DAG1: variants seen among roughly 807,000 people sequenced by gnomAD.
DAG1 encodes dystroglycan 1.
A neutral mutation model predicts 46.1 loss-of-function variants in DAG1; 8 were observed. The ratio of observed to expected loss-of-function variants is 0.17; its 90% CI spans 0.10 to 0.31. The LOEUF is 0.31. Among genes scored for constraint, DAG1 ranks in the 10% least tolerant of loss-of-function variants. The probability of loss-of-function intolerance (pLI) is 1.00; values close to 1 mark genes in which losing one functional copy is unlikely to be tolerated. For missense variants in DAG1, 1,003 were observed against 1,189.9 expected (o/e 0.84, Z 2.31); for synonymous variants, 495 against 481.8 (o/e 1.03, Z -0.36).
intron 2 of DAG1, among the ~76,000 whole-genome samples, chr3:49,528,467 TAG>T (rs2051251651): frequency 1.3e-5 from 2 of 151,714 alleles, no homozygotes. Flanking sequence ...GTGTTTTTAG[TAG>T]AGACGGGATT....
Position 49,534,969 on chromosome 3 carries a change from G to C in DAG1, c.*1770G>C, listed in dbSNP as rs1553654607. 6.6e-6 allele frequency: 1 copy of C among 151,768 alleles called. No homozygotes were observed. The highest frequency in any genetic ancestry group is 1.5e-5 in the Non-Finnish European group (1 of 68,232). 9.4% of individuals were successfully genotyped at this position (151,768 alleles called of 1,614,324 possible). ...CCTCAGGAGGGGAGGGCTGGTAGGA[G>C]GGGGGGAGAGGTCTCTGTCCTACTG... On this transcript the variant is annotated 3_prime_UTR_variant, in exon 3 of 3. Transcript: ENST00000308775.
At chr3:49,527,036 T>C (rs2051190890) in intron 2 of DAG1, among the ~76,000 whole-genome samples, 1 of 152,178 alleles carries the variant, frequency 6.6e-6, no homozygotes, top group African/African-American at 2.4e-5. Context: ...GTCAGCAGAA[T>C]AGGAAGTGAG....
chr3:49,514,238 CTGTA>C (rs2050834913), intron 2 of DAG1, among the ~76,000 whole-genome samples: 1 of 152,006 alleles, frequency 6.6e-6, no homozygotes. Flanking sequence ...GTTTCTGCAT[CTGTA>C]AAGCAGGATT....
At chr3:49,473,094 A>C (rs2049572305) in intron 1 of DAG1, among the ~76,000 whole-genome samples, 4 of 140,170 alleles carry the variant, frequency 2.9e-5, no homozygotes. Context: ...CAAGAGCAAA[A>C]CTCGGTCTCA....
At chr3:49,527,997 AG>A (rs903906328) in intron 2 of DAG1, among the ~76,000 whole-genome samples, 1 of 152,122 alleles carries the variant, frequency 6.6e-6, no homozygotes, top group African/African-American at 2.4e-5. Flanking sequence ...GAGTAGAGTT[AG>A]GAAATAACCC....
At chr3:49,513,214 G>A (rs1453631376) in intron 2 of DAG1, among the ~76,000 whole-genome samples, 2 of 152,152 alleles carry the variant, frequency 1.3e-5, no homozygotes, top group Non-Finnish European at 2.9e-5. Context: ...AGTTGATGCT[G>A]CCTGTTGACA....
At chr3:49,508,657 C>T (rs1402779890) in intron 1 of DAG1, among the ~76,000 whole-genome samples, 1 of 152,078 alleles carries the variant, frequency 6.6e-6, no homozygotes, top group Non-Finnish European at 1.5e-5. Context: ...GCCTTGGCCT[C>T]CCAAAGTGCT....
chr3:49,512,545 C>G (rs1380373514), intron 2 of DAG1, among the ~76,000 whole-genome samples: 1 of 151,800 alleles, frequency 6.6e-6, no homozygotes, highest in Non-Finnish European at 1.5e-5. Context: ...GTGCGCACCA[C>G]CATGCCCGGC....
At chr3:49,519,401 C>T (rs2050972846) in intron 2 of DAG1, among the ~76,000 whole-genome samples, 2 of 152,162 alleles carry the variant, frequency 1.3e-5, no homozygotes, top group Non-Finnish European at 2.9e-5. Flanking sequence ...TGGGAGCAGC[C>T]CTTCCTGGGA....
At chr3:49,517,293 C>T (rs1158449350) in intron 2 of DAG1, among the ~76,000 whole-genome samples, 2 of 152,128 alleles carry the variant, frequency 1.3e-5, no homozygotes, top group African/African-American at 4.8e-5. Flanking sequence ...GCACCCAGCC[C>T]CCAAGAGGCT....
chr3:49,500,503 A>T (rs2050420216), intron 1 of DAG1, among the ~76,000 whole-genome samples: 1 of 152,040 alleles, frequency 6.6e-6, no homozygotes, highest in South Asian at 2.1e-4. Flanking sequence ...GAGAGCTTAG[A>T]CTCAGTTGTG....
rs764399476 is a variant in DAG1, at chr3:49,510,721, A to G, written c.187A>G (p.Thr63Ala). 21 of 1,614,132 alleles carry G rather than the reference A, an allele frequency of 1.3e-5. No homozygotes were observed. In the South Asian group the frequency reaches 2.3e-4, roughly 18 times the overall value. Reference protein sequence around the residue: ...VLSDLHEAVPTVVGIPDGTAV... With the variant: ...VLSDLHEAVPAVVGIPDGTAV... ...CTCAGACCTCCACGAGGCTGTTCCC[A>G]CAGTGGTTGGCATTCCTGATGGCAC... The change falls in exon 2 of 3, where the codon ACA becomes GCA. Residue 63 changes from threonine to alanine, a missense_variant. By Grantham distance (58) the Thr-to-Ala change is moderately conservative (BLOSUM62 0). Around this residue, in one of 3 missense-constraint regions of DAG1, gnomAD observed 196 missense variants for 239.1 expected, o/e 0.82. Coordinates refer to ENST00000308775, the MANE Select transcript of DAG1 (RefSeq NM_004393.6).
At position 49,532,380 on chromosome 3, in the gene DAG1, C is replaced by T. The variant is rs2051379429; in HGVS notation, c.1869C>T (p.Ile623=). ...VGDPALVLND[I]HKKIALVKKL... ...ACCCGGCACTGGTGTTGAATGACAT[C>T]CACAAGAAGATTGCCTTGGTAAAGA... The change falls in exon 3 of 3, where the codon ATC becomes ATT. Residue 623 remains isoleucine (I), a synonymous_variant. Coordinates refer to ENST00000308775, the MANE Select transcript of DAG1 (RefSeq NM_004393.6). This position sits in a 1 kb window ranked among gnomAD's most constrained non-coding sequence, Gnocchi z 5.4. 1 of 1,614,046 alleles carries T rather than the reference C, an allele frequency of 6.2e-7. No individual in the cohort carries two copies. Among genetic ancestry groups the T allele is most frequent in the African/African-American group, 1.3e-5 (1 of 74,938 alleles).
rs562663543 is a variant in DAG1 at position 49,474,933 on chromosome 3, T to A, written c.-117+4500T>A. ...TTCATGCCATTCTCCTGTCTCAGCC[T>A]CCCGAGTAGCTGGGACTACAGGCGC... is the stretch of plus-strand genomic sequence containing the variant. On this transcript the variant is annotated intron_variant, in intron 1 of 2. Transcript: ENST00000308775. Among the ~76,000 whole-genome samples, 13 of 151,788 alleles carry A rather than the reference T, an allele frequency of 8.6e-5. No individual in the cohort carries two copies. In the South Asian group the frequency reaches 2.7e-3, roughly 32 times the overall value.
At chr3:49,504,218 G>T in intron 1 of DAG1, among the ~76,000 whole-genome samples, 1 of 151,194 alleles carries the variant, frequency 6.6e-6, no homozygotes. Flanking sequence ...ATTCAAGAAT[G>T]TTATAAAAAT....
chr3:49,533,972 T>TTAA lies in DAG1; in HGVS notation c.*774_*775insAAT. The TTAA allele has an allele frequency of 6.3e-6, 1 of 157,504 alleles. No individual in the cohort carries two copies. The highest frequency in any genetic ancestry group is 1.4e-5 in the Non-Finnish European group (1 of 71,284). The allele number at this position is 157,504 out of a possible 1,614,324, so 9.8% of individuals were successfully genotyped here. ...AGGGGCTGGAAGCTGGAGGGGTCTCTTGGGCCATGGACATCCCCACTTCCA... is the reference window on the plus strand; with the variant it reads ...AGGGGCTGGAAGCTGGAGGGGTCTCTTAATGGGCCATGGACATCCCCACTTCCA... On this transcript the variant is annotated 3_prime_UTR_variant, in exon 3 of 3. Coordinates refer to ENST00000308775, the MANE Select transcript of DAG1 (RefSeq NM_004393.6).
chr3:49,524,414 A>C (rs2051115210), intron 2 of DAG1, among the ~76,000 whole-genome samples: 1 of 152,162 alleles, frequency 6.6e-6, no homozygotes, highest in African/African-American at 2.4e-5. Flanking sequence ...GGTGGCTCAC[A>C]CCTGTAATCC....
chr3:49,490,079 C>T (rs1027759532), intron 1 of DAG1, among the ~76,000 whole-genome samples: 11 of 152,112 alleles, frequency 7.2e-5, no homozygotes, highest in African/African-American at 2.2e-4. Context: ...TTTGGCTGGG[C>T]GCGGTGGCTT....
intron 1 of DAG1, among the ~76,000 whole-genome samples, chr3:49,502,638 CTTTTT>C (rs66475946): frequency 1.8e-5 from 2 of 112,666 alleles, no homozygotes; most frequent in Non-Finnish European, 1.8e-5. Flanking sequence ...CTTTAACTTT[CTTTTT>C]TTTTTTTTTT....
Sources: allele counts gnomAD v4.1 joint callset (sites outside exome capture counted in the v4.1 genomes callset), GRCh38; gene constraint gnomAD v4.1.1; regional missense constraint gnomAD v4.1.1; non-coding constraint Gnocchi (gnomAD v3.1); transcripts MANE v1.5; gene names NCBI Gene and HGNC (gene_info 2026-07-23, HGNC 2026-07-21).